Variants in BAIAP2 observed in about 807,000 individuals in gnomAD.
BAIAP2 encodes BAR/IMD domain containing adaptor protein 2, also known as BAR/IMD domain-containing adapter protein 2.
In BAIAP2, 18 loss-of-function variants were observed where a neutral mutation model predicts 63.0. That is an observed-to-expected ratio of 0.29 (90% CI 0.20 to 0.42). The LOEUF is 0.42. Ranked by LOEUF, BAIAP2 falls within the 10% of genes least tolerant of loss-of-function variation. The pLI, the probability that BAIAP2 is intolerant of heterozygous loss-of-function variation, is 1.00. For missense variants in BAIAP2, 610 were observed against 734.3 expected, an observed-to-expected ratio of 0.83 and a Z score of 1.96; for synonymous variants, 386 against 307.6, an observed-to-expected ratio of 1.25 and a Z score of -2.67.
chr17:81,102,004 G>T (rs1345879237), intron 7 of BAIAP2, among the ~76,000 whole-genome samples: 1 of 152,212 alleles, frequency 6.6e-6, no homozygotes, highest in African/African-American at 2.4e-5. Context: ...CTGGGGTGCT[G>T]CCTGCAGGGA....
At chr17:81,050,654 G>A (rs1258789044) in intron 1 of BAIAP2, among the ~76,000 whole-genome samples, 1 of 151,786 alleles carries the variant, frequency 6.6e-6, no homozygotes, top group Non-Finnish European at 1.5e-5. Flanking sequence ...CTCCGTGGTA[G>A]TGTTTTCATA....
Position 81,086,546 on chromosome 17 carries a change from A to G in BAIAP2, c.455A>G (p.Lys152Arg), listed in dbSNP as rs1322042328. The G allele has an allele frequency of 1.2e-6, 2 of 1,613,802 alleles. No individual in the cohort carries two copies. Among genetic ancestry groups the G allele is most frequent in the Admixed American group, 1.7e-5 (1 of 60,032 alleles). The part of the protein sequence containing the change: ...KKLRKKSQGS[K>R]NPQKYSDKEL... ...CTTCGGAAGAAGAGCCAGGGCAGCA[A>G]GAATCCTCAGAAGTACTCGGACAAG... Residue 152 changes from lysine (K) to arginine (R), a missense_variant, in exon 6 of 14, where the codon AAG (lysine) becomes AGG (arginine). Physicochemically the swap from Lys to Arg is conservative, Grantham distance 26. Transcript: ENST00000428708.
At chr17:81,086,722 C>T (rs981052585) in intron 6 of BAIAP2, 142 bp downstream of exon 6, 33 of 986,356 alleles carry the variant, frequency 3.3e-5, no homozygotes, top group African/African-American at 2.8e-4. Flanking sequence ...TGGTAGACCT[C>T]GGGAGCGGTG....
At chr17:81,093,970 A>G (rs1468131825) in intron 6 of BAIAP2, among the ~76,000 whole-genome samples, 1 of 118,894 alleles carries the variant, frequency 8.4e-6, no homozygotes, top group Non-Finnish European at 1.7e-5. Flanking sequence ...CCGTGTGGCC[A>G]TGTTTCTCTG....
At chr17:81,049,155 G>A (rs1016645341) in intron 1 of BAIAP2, among the ~76,000 whole-genome samples, 12 of 152,260 alleles carry the variant, frequency 7.9e-5, no homozygotes, top group Non-Finnish European at 1.3e-4. Context: ...GCCGGGCTGC[G>A]TTTGTACTGC....
intron 6 of BAIAP2, among the ~76,000 whole-genome samples, chr17:81,090,018 TC>T (rs2056439626): frequency 1.3e-5 from 2 of 152,254 alleles, no homozygotes; most frequent in South Asian, 4.1e-4. Flanking sequence ...CTGCTGTGGC[TC>T]CCCAGCCCTG....
intron 6 of BAIAP2, among the ~76,000 whole-genome samples, chr17:81,088,199 C>T (rs1001690427): frequency 3.3e-5 from 5 of 152,054 alleles, no homozygotes; most frequent in African/African-American, 1.2e-4. Flanking sequence ...TGTGAGCCAG[C>T]CCTGAGCACC....
At chr17:81,109,882 C>T (rs1413346178) in intron 13 of BAIAP2, 1 of 985,338 alleles carries the variant, frequency 1.0e-6, no homozygotes, top group Non-Finnish European at 1.2e-6. Context: ...CTGCTCTGGG[C>T]AGGGTGTGCG....
chr17:81,040,927 G>A (rs2046989057), intron 1 of BAIAP2, among the ~76,000 whole-genome samples: 1 of 152,198 alleles, frequency 6.6e-6, no homozygotes, highest in Non-Finnish European at 1.5e-5. Flanking sequence ...GGAGGCTGTG[G>A]AGATGGTGGG....
chr17:81,045,498 C>G (rs1375348375), intron 1 of BAIAP2, among the ~76,000 whole-genome samples: 3 of 151,140 alleles, frequency 2.0e-5, no homozygotes, highest in Non-Finnish European at 4.5e-5. Flanking sequence ...GAAGGAGTCC[C>G]TGCACCTCGG....
At chr17:81,081,654 G>A (rs1204231049) in intron 3 of BAIAP2, among the ~76,000 whole-genome samples, 8 of 152,296 alleles carry the variant, frequency 5.3e-5, no homozygotes, top group Admixed American at 5.2e-4. Context: ...TGAACCCTAG[G>A]TCGAGTGAGC....
chr17:81,111,092 C>A, intron 13 of BAIAP2: 1 of 1,083,624 alleles, frequency 9.2e-7, no homozygotes, highest in Non-Finnish European at 1.4e-6. Flanking sequence ...CTGAGCCTGC[C>A]TCTCACTCTG....
rs2046115882 is a variant in BAIAP2, at chr17:81,035,572, C to T, written c.54+264C>T. Among the ~76,000 whole-genome samples the T allele has an allele frequency of 2.0e-5, 3 of 150,074 alleles. No individual in the cohort carries two copies. In the South Asian group the frequency reaches 6.2e-4, roughly 31 times the overall value. On this transcript the variant is annotated intron_variant, in intron 1 of 13. Transcript: ENST00000428708. ...GGCCCGGTCAGTCCCCAGCCCCAGGCCCGGGGAGCACTCCCCGCTCCGACG... is the reference window on the plus strand; with the variant it reads ...GGCCCGGTCAGTCCCCAGCCCCAGGTCCGGGGAGCACTCCCCGCTCCGACG...
intron 5 of BAIAP2, 111 bp downstream of exon 5, chr17:81,085,836 G>T: frequency 1.3e-6 from 1 of 796,266 alleles, no homozygotes; most frequent in South Asian, 1.6e-5. Context: ...CGAGCTCCCC[G>T]TCCACATGGG....
chr17:81,042,187 C>G (rs2047179046), intron 1 of BAIAP2, among the ~76,000 whole-genome samples: 1 of 143,594 alleles, frequency 7.0e-6, no homozygotes, highest in Admixed American at 7.2e-5. Context: ...TGTTTCCCAG[C>G]CCGGAAGGCA....
intron 3 of BAIAP2, among the ~76,000 whole-genome samples, chr17:81,066,407 G>A (rs191676263): frequency 1.1e-3 from 171 of 152,360 alleles, no homozygotes; most frequent in Non-Finnish European, 1.7e-3. Context: ...TTAAGGTGTG[G>A]CCTGGAAACT....
chr17:81,082,668 C>A (rs1284948377), intron 3 of BAIAP2, among the ~76,000 whole-genome samples: 1 of 152,220 alleles, frequency 6.6e-6, no homozygotes, highest in African/African-American at 2.4e-5. Flanking sequence ...TCTCCCTCCA[C>A]AGAAATCTGT....
intron 13 of BAIAP2, among the ~76,000 whole-genome samples, chr17:81,111,122 T>C (rs191849583): frequency 2.2e-4 from 33 of 152,290 alleles, no homozygotes; most frequent in African/African-American, 7.5e-4. Flanking sequence ...CCTTCTCTAC[T>C]GGGTCCCCTC....
At chr17:81,107,206 G>C (rs917940109) in intron 12 of BAIAP2, 2 of 356,696 alleles carry the variant, frequency 5.6e-6, no homozygotes, top group Non-Finnish European at 1.0e-5. Flanking sequence ...AGGGGGCAGC[G>C]TCTGGGCTGG....
Sources: gnomAD v4.1 joint callset for allele counts (sites outside exome capture counted in the v4.1 genomes callset) on GRCh38, gnomAD v4.1.1 for gene constraint, MANE v1.5 for transcripts, NCBI Gene and HGNC (gene_info 2026-07-23, HGNC 2026-07-21) for gene names.